CDC42BPB: variants seen among roughly 807,000 people sequenced by gnomAD.
The protein encoded by CDC42BPB is serine/threonine-protein kinase MRCK beta.
A neutral mutation model predicts 214.9 loss-of-function variants in CDC42BPB; 37 were observed. That is an observed-to-expected ratio of 0.17 (90% CI 0.13 to 0.23). CDC42BPB has a LOEUF of 0.23. Ranked by LOEUF, CDC42BPB falls within the 10% of genes least tolerant of loss-of-function variation. The pLI is 1.00. For synonymous variants in CDC42BPB, 931 were observed against 884.0 expected (o/e 1.05, Z -0.94); for missense variants, 1,694 against 2,227.0 (o/e 0.76, Z 4.82).
intron 5 of CDC42BPB, among the ~76,000 whole-genome samples, chr14:102,992,616 C>T (rs1248818394): frequency 6.6e-6 from 1 of 152,166 alleles, no homozygotes; most frequent in African/African-American, 2.4e-5. Context: ...CTCACCGCCT[C>T]ACCAACTGTT....
At chr14:103,051,876 T>C (rs909066934) in intron 1 of CDC42BPB, among the ~76,000 whole-genome samples, 1 of 152,124 alleles carries the variant, frequency 6.6e-6, no homozygotes, top group African/African-American at 2.4e-5. Context: ...GACAGGGTCT[T>C]GCTCTGTTGC....
At chr14:102,981,168 T>A in intron 7 of CDC42BPB, 147 bp from the exon 8 acceptor site, 4 of 1,445,952 alleles carry the variant, frequency 2.8e-6, no homozygotes, top group Non-Finnish European at 3.6e-6. Context: ...GCTAATAAAT[T>A]TCCATTCCCA....
intron 5 of CDC42BPB, among the ~76,000 whole-genome samples, chr14:102,988,153 T>C (rs1044004166): frequency 8.0e-5 from 12 of 150,436 alleles, no homozygotes; most frequent in Non-Finnish European, 1.5e-4. Context: ...TAATGAAAAA[T>C]TGAAGAAAGG....
chr14:102,956,097 A>G (rs1892694371), intron 21 of CDC42BPB: 1 of 152,204 alleles, frequency 6.6e-6, no homozygotes, highest in Non-Finnish European at 1.5e-5. Flanking sequence ...AAGAATATTA[A>G]TTTTAGGCAT....
At chr14:102,998,838 C>T (rs112499080) in intron 5 of CDC42BPB, among the ~76,000 whole-genome samples, 2 of 152,220 alleles carry the variant, frequency 1.3e-5, no homozygotes, top group Admixed American at 6.5e-5. Context: ...AGGCCCCACA[C>T]GAGACATTTC....
chr14:102,937,500 ATCCC>A (rs1264650897), intron 36 of CDC42BPB, among the ~76,000 whole-genome samples: 1 of 152,136 alleles, frequency 6.6e-6, no homozygotes, highest in Non-Finnish European at 1.5e-5. Context: ...CTCCGCCTGC[ATCCC>A]TCCCTCCCTC....
chr14:103,013,989 C>T (rs1387511415), intron 1 of CDC42BPB, among the ~76,000 whole-genome samples: 1 of 152,094 alleles, frequency 6.6e-6, no homozygotes, highest in Non-Finnish European at 1.5e-5. Flanking sequence ...CACGGTGAAA[C>T]CCTGTCTCTA....
Position 102,974,086 on chromosome 14 carries a change from G to A in CDC42BPB, c.1571C>T (p.Ser524Phe). 7 of 1,614,052 alleles carry A rather than the reference G, an allele frequency of 4.3e-6. No individual in the cohort carries two copies. Among genetic ancestry groups the A allele is most frequent in the Non-Finnish European group, 5.9e-6 (7 of 1,179,978 alleles). ...CTCCAGCCCCCGCAGCCGCTGCGTG[G>A]AGTCCTCACGCTCTTGGCGAAGCGC... ...TVALRQERED[S>F]TQRLRGLEKQ... Residue 524 changes from serine to phenylalanine, a missense_variant, in exon 12 of 37, where the codon TCC becomes TTC. By Grantham distance (155) the Ser-to-Phe change is radical (BLOSUM62 -2). This residue lies in a region of CDC42BPB where 462 missense variants were observed against 513.5 expected (regional missense o/e 0.90). Coordinates refer to ENST00000361246, the MANE Select transcript of CDC42BPB (RefSeq NM_006035.4).
intron 18 of CDC42BPB, 140 bp from the exon 19 acceptor site, chr14:102,964,790 T>A: frequency 7.6e-7 from 1 of 1,309,274 alleles, no homozygotes; most frequent in Non-Finnish European, 9.7e-7. Flanking sequence ...TGGAGGTGCC[T>A]CAGGAGTTTT....
chr14:102,957,992 A>G (rs1267002428), intron 21 of CDC42BPB, among the ~76,000 whole-genome samples: 1 of 152,258 alleles, frequency 6.6e-6, no homozygotes, highest in Non-Finnish European at 1.5e-5. Context: ...CAGAGTGGAC[A>G]TTCTGCAGGA....
Position 103,050,719 on chromosome 14 carries a change from T to C in CDC42BPB, c.175+6280A>G, listed in dbSNP as rs573686632. On this transcript the variant is annotated intron_variant, in intron 1 of 36. Coordinates refer to ENST00000361246, the MANE Select transcript of CDC42BPB (RefSeq NM_006035.4). ...CTGCAGTGAGACATGACAGAGCCACTACACTCCAGCCTGGGTAACAGAGCA... is the reference window on the plus strand; with the variant it reads ...CTGCAGTGAGACATGACAGAGCCACCACACTCCAGCCTGGGTAACAGAGCA... Among the ~76,000 whole-genome samples, 7 of 152,034 alleles carry C rather than the reference T, an allele frequency of 4.6e-5. No homozygotes were observed. In the South Asian group the frequency reaches 1.5e-3, roughly 32 times the overall value.
At chr14:103,045,127 A>T (rs1888221365) in intron 1 of CDC42BPB, among the ~76,000 whole-genome samples, 1 of 152,160 alleles carries the variant, frequency 6.6e-6, no homozygotes, top group Admixed American at 6.5e-5. Context: ...GAATTATTTT[A>T]ATTCAATGAT....
At chr14:102,964,678 T>C (rs764982223) in intron 18 of CDC42BPB, 28 bp from the exon 19 acceptor site, 181 of 1,577,356 alleles carry the variant, frequency 1.1e-4, no homozygotes, top group Non-Finnish European at 1.0e-5. Flanking sequence ...GCGTTAAAAA[T>C]GCATTTTCAG....
At chr14:102,986,117 C>T (rs977336095) in intron 6 of CDC42BPB, among the ~76,000 whole-genome samples, 1 of 143,512 alleles carries the variant, frequency 7.0e-6, no homozygotes, top group Admixed American at 6.9e-5. Context: ...AGTACAGTTA[C>T]ATGGTTAATG....
chr14:102,941,892 G>A (rs1891907522), intron 30 of CDC42BPB, among the ~76,000 whole-genome samples: 1 of 152,190 alleles, frequency 6.6e-6, no homozygotes, highest in Admixed American at 6.5e-5. Context: ...GCATCCTACA[G>A]GTGATGGAAT....
chr14:103,005,855 A>G (rs1374392632), intron 3 of CDC42BPB, among the ~76,000 whole-genome samples: 1 of 151,994 alleles, frequency 6.6e-6, no homozygotes, highest in Admixed American at 6.6e-5. Flanking sequence ...CCCCGTCTCT[A>G]CTAAAAGTAC....
Position 102,938,383 on chromosome 14 carries a change from CT to C in CDC42BPB, c.4855del (p.Arg1619GlyfsTer33). On this transcript the variant is annotated frameshift_variant, in exon 35 of 37. Transcript: ENST00000361246. LOFTEE classifies it high-confidence loss of function. ...LSAVPPSQEE[R>X]PGPAPTNLAR... ...CAGGTTGGTGGGAGCGGGGCCCGGC[CT>C]TTCCTCCTGGGAGGGGGGCACAGCA... is the stretch of plus-strand genomic sequence containing the variant. 6.4e-7 allele frequency: 1 copy of C among 1,559,698 alleles called. No homozygotes were observed. Among genetic ancestry groups the C allele is most frequent in the Non-Finnish European group, 8.6e-7 (1 of 1,159,172 alleles).
intron 1 of CDC42BPB, among the ~76,000 whole-genome samples, chr14:103,042,933 G>A (rs567397337): frequency 6.1e-4 from 93 of 152,100 alleles, no homozygotes; most frequent in Non-Finnish European, 7.3e-4. Context: ...GTATACACTC[G>A]AGGGACATGA....
chr14:103,008,583 G>T lies in CDC42BPB; in HGVS notation c.268-28C>A. 1.9e-6 allele frequency: 3 copies of T among 1,590,900 alleles called. No individual in the cohort carries two copies. In the South Asian group the frequency reaches 3.3e-5, roughly 18 times the overall value. Reference sequence around the variant, plus strand: ...GCAGTGCAAATGTGAGTTGAACAAAGATGCGGTTCTTGAACAAAAGGCTAG... The same window carrying T: ...GCAGTGCAAATGTGAGTTGAACAAATATGCGGTTCTTGAACAAAAGGCTAG... On this transcript the variant is annotated intron_variant, in intron 2 of 36. Transcript: ENST00000361246.
Sources: gnomAD v4.1 joint callset for allele counts (sites outside exome capture counted in the v4.1 genomes callset) on GRCh38, gnomAD v4.1.1 for gene constraint, gnomAD v4.1.1 regional missense constraint, MANE v1.5 for transcripts, NCBI Gene and HGNC (gene_info 2026-07-23, HGNC 2026-07-21) for gene names.